The following CDNF variants were observed in gnomAD, a reference collection of about 807,000 sequenced individuals.
The protein encoded by CDNF is cerebral dopamine neurotrophic factor, also known as ARMET-like protein 1.
In CDNF, 9 loss-of-function variants were observed where a neutral mutation model predicts 14.8. The ratio of observed to expected loss-of-function variants is 0.61; its 90% confidence interval spans 0.37 to 1.06. The LOEUF (loss-of-function observed/expected upper bound fraction) is 1.06. CDNF is among the 50% of genes least tolerant of loss of function. The pLI, the probability that CDNF is intolerant of heterozygous loss-of-function variation, is 0.01. For synonymous variants in CDNF, 86 were observed against 87.2 expected, an observed-to-expected ratio of 0.99 and a Z score of 0.07; for missense variants, 228 against 228.4, an observed-to-expected ratio of 1.00 and a Z score of 0.01.
rs149495183 is a variant in CDNF at position 14,837,931 on chromosome 10, G to A, written c.16C>T (p.Pro6Ser). The change falls in exon 1 of 4, where the codon CCA (proline) becomes TCA (serine). Residue 6 changes from proline (P) to serine (S), a missense_variant. Coordinates refer to ENST00000465530, the MANE Select transcript of CDNF (RefSeq NM_001029954.3). Reference sequence around the variant, plus strand: ...GCGCAAAAGGCCACCACAGCAACTGGGCTCGCGCACCACATGCTGGGCCAG... The same window carrying A: ...GCGCAAAAGGCCACCACAGCAACTGAGCTCGCGCACCACATGCTGGGCCAG... MWCAS[P>S]VAVVAFCAGL... 29 of 1,601,090 alleles carry A rather than the reference G, an allele frequency of 1.8e-5. No individual in the cohort carries two copies. The African/African-American group carries it at 3.3e-4, about 18-fold the overall frequency.
chr10:14,829,739 C>G (rs1358041243), intron 1 of CDNF, among the ~76,000 whole-genome samples: 1 of 152,134 alleles, frequency 6.6e-6, no homozygotes. Flanking sequence ...AAGTGATTCT[C>G]CTGCCTCAGC....
intron 1 of CDNF, chr10:14,836,423 A>C (rs141313194): frequency 6.6e-6 from 1 of 152,258 alleles, no homozygotes; most frequent in South Asian, 2.1e-4. Context: ...TGAAACATTT[A>C]TAAGTGGGAG....
At chr10:14,837,730 G>T in intron 1 of CDNF, 102 bp downstream of exon 1, 1 of 664,842 alleles carries the variant, frequency 1.5e-6, no homozygotes, top group Non-Finnish European at 2.5e-6. Flanking sequence ...CATTTCCTGG[G>T]CGGAATGTTA....
chr10:14,824,729 T>C (rs1833765196), intron 3 of CDNF, among the ~76,000 whole-genome samples: 1 of 152,054 alleles, frequency 6.6e-6, no homozygotes, highest in African/African-American at 2.4e-5. Context: ...TTTCCCAAAA[T>C]TTAAAGCTGG....
Position 14,822,810 on chromosome 10 carries a change from T to C in CDNF, c.386-2652A>G, listed in dbSNP as rs77499465. On this transcript the variant is annotated intron_variant, in intron 3 of 3. Coordinates refer to ENST00000465530, the MANE Select transcript of CDNF (RefSeq NM_001029954.3). Reference sequence around the variant, plus strand: ...TCAAAACCTTCCGGTAACTCTGTTCTAATTTAAAAGCTGGATGTTAAAAGA... The same window carrying C: ...TCAAAACCTTCCGGTAACTCTGTTCCAATTTAAAAGCTGGATGTTAAAAGA... 5.8e-3 allele frequency among the ~76,000 whole-genome samples: 882 copies of C among 152,350 alleles called. 11 individuals carry two copies. Among genetic ancestry groups the C allele is most frequent in the African/African-American group, 0.02 (813 of 41,584 alleles).
rs567569326 is a variant in CDNF, at chr10:14,836,563, A to T, written c.115+1269T>A. ...AACAAATATCTTTATATCGAGTAAT[A>T]ACATGTAGATATTTTAAATTTCTGG... On this transcript the variant is annotated intron_variant, in intron 1 of 3. Transcript: ENST00000465530. 2.6e-5 allele frequency among the ~76,000 whole-genome samples: 4 copies of T among 152,398 alleles called. No homozygotes were observed. The South Asian group carries it at 6.2e-4, about 24-fold the overall frequency.
intron 2 of CDNF, among the ~76,000 whole-genome samples, chr10:14,827,431 T>C (rs902611674): frequency 2.6e-5 from 4 of 152,190 alleles, no homozygotes; most frequent in Non-Finnish European, 4.4e-5. Flanking sequence ...AAACACCATA[T>C]TAATGTGATT....
chr10:14,833,639 T>C (rs1833863660), intron 1 of CDNF, among the ~76,000 whole-genome samples: 2 of 152,200 alleles, frequency 1.3e-5, no homozygotes, highest in Admixed American at 6.5e-5. Flanking sequence ...CAGCTAGATA[T>C]AGAAATGTGA....
intron 2 of CDNF, among the ~76,000 whole-genome samples, chr10:14,826,164 AAGC>A (rs1240439912): frequency 6.9e-6 from 1 of 145,908 alleles, no homozygotes; most frequent in Admixed American, 6.8e-5. Context: ...GAAGAAGAAG[AAGC>A]AGAAGCAGCA....
chr10:14,837,682 G>C, intron 1 of CDNF, 150 bp downstream of exon 1: 2 of 576,128 alleles, frequency 3.5e-6, no homozygotes, highest in East Asian at 5.8e-5. Flanking sequence ...TTTTACTCGA[G>C]CTGGGCTTGG....
intron 1 of CDNF, among the ~76,000 whole-genome samples, chr10:14,833,677 A>G (rs1431953445): frequency 6.6e-6 from 1 of 152,140 alleles, no homozygotes; most frequent in Non-Finnish European, 1.5e-5. Context: ...TAGGATGACT[A>G]TATAAATCTG....
intron 1 of CDNF, among the ~76,000 whole-genome samples, chr10:14,835,146 T>C (rs1378733295): frequency 1.3e-5 from 2 of 152,116 alleles, no homozygotes; most frequent in African/African-American, 4.8e-5. Context: ...TTGATGTACA[T>C]CATATCTAAG....
Position 14,819,526 on chromosome 10 carries a change from G to C in CDNF, c.*454C>G, listed in dbSNP as rs1418137812. The stretch of plus-strand genomic sequence containing the variant: ...AGAGCTACAATATAGAGTGAAAACA[G>C]AAAATTCACTTGAAAAAAACTTTTG... On this transcript the variant is annotated 3_prime_UTR_variant, in exon 4 of 4. Coordinates refer to ENST00000465530, the MANE Select transcript of CDNF (RefSeq NM_001029954.3). The C allele has an allele frequency of 6.5e-6, 1 of 152,974 alleles. No individual in the cohort carries two copies. The highest frequency in any genetic ancestry group is 1.9e-4 in the East Asian group (1 of 5,212). 9.5% of individuals were successfully genotyped at this position (152,974 alleles called of 1,614,324 possible).
intron 1 of CDNF, among the ~76,000 whole-genome samples, chr10:14,835,228 A>G (rs769740749): frequency 2.6e-5 from 4 of 152,118 alleles, no homozygotes; most frequent in Non-Finnish European, 5.9e-5. Flanking sequence ...AAGGTTAGAG[A>G]TTTATTAGAC....
At chr10:14,836,795 G>C in intron 1 of CDNF, among the ~76,000 whole-genome samples, 1 of 152,168 alleles carries the variant, frequency 6.6e-6, no homozygotes, top group South Asian at 2.1e-4. Context: ...AGTCAGGCGT[G>C]GTGGTGGTGC....
At chr10:14,837,533 C>T (rs868793551) in intron 1 of CDNF, among the ~76,000 whole-genome samples, 3 of 152,202 alleles carry the variant, frequency 2.0e-5, no homozygotes, top group African/African-American at 7.2e-5. Context: ...ATCAATCTGG[C>T]GCCAGTATCA....
At chr10:14,826,463 A>C (rs1158519024) in intron 2 of CDNF, among the ~76,000 whole-genome samples, 1 of 142,956 alleles carries the variant, frequency 7.0e-6, no homozygotes, top group East Asian at 2.0e-4. Context: ...AGAAGAAGAA[A>C]GAAGCAGAAG....
intron 3 of CDNF, among the ~76,000 whole-genome samples, chr10:14,823,665 C>G (rs1588793540): frequency 6.6e-6 from 1 of 152,146 alleles, no homozygotes; most frequent in East Asian, 1.9e-4. Flanking sequence ...GTAGTTAGGA[C>G]TATAGGCGCT....
At chr10:14,830,290 C>T (rs1362582303) in intron 1 of CDNF, among the ~76,000 whole-genome samples, 1 of 152,058 alleles carries the variant, frequency 6.6e-6, no homozygotes, top group Non-Finnish European at 1.5e-5. Flanking sequence ...TCCTTATAGT[C>T]CCCTATGGGT....
Sources: gnomAD v4.1 joint callset for allele counts (sites outside exome capture counted in the v4.1 genomes callset) on GRCh38, gnomAD v4.1.1 for gene constraint, MANE v1.5 for transcripts, NCBI Gene and HGNC (gene_info 2026-07-23, HGNC 2026-07-21) for gene names.